Variants in SHROOM2 observed in about 807,000 individuals in gnomAD.
The protein encoded by SHROOM2 is protein Shroom2.
A neutral mutation model predicts 75.9 loss-of-function variants in SHROOM2; 33 were observed. The ratio of observed to expected loss-of-function variants is 0.43; its 90% CI spans 0.33 to 0.58. The LOEUF is 0.58. Among genes scored for constraint, SHROOM2 ranks in the 20% least tolerant of loss-of-function variants. The pLI is 0.04. For synonymous variants in SHROOM2, 655 were observed against 663.6 expected, an observed-to-expected ratio of 0.99 and a Z score of 0.20; for missense variants, 1,434 against 1,461.2, an observed-to-expected ratio of 0.98 and a Z score of 0.30.
intron 5 of SHROOM2, among the ~76,000 whole-genome samples, chrX:9,926,363 C>T (rs1353927118): frequency 9.0e-6 from 1 of 111,704 alleles, no homozygotes; most frequent in African/African-American, 3.3e-5. Context: ...TGAGCACCAA[C>T]ATGATGCCAT....
At chrX:9,857,202 G>A (rs2084076001) in intron 1 of SHROOM2, among the ~76,000 whole-genome samples, 1 of 111,889 alleles carries the variant, frequency 8.9e-6, no homozygotes, top group South Asian at 3.7e-4. Flanking sequence ...TGGTGTGTAG[G>A]GATCCTGCAT....
chrX:9,883,856 G>C (rs757833072), intron 2 of SHROOM2, among the ~76,000 whole-genome samples: 356 of 110,989 alleles, frequency 3.2e-3, no homozygotes, highest in Non-Finnish European at 4.6e-3. Context: ...GCAATTGCCA[G>C]GTAAATTCCC....
At chrX:9,916,623 T>A (rs886067448) in intron 5 of SHROOM2, among the ~76,000 whole-genome samples, 2 of 112,480 alleles carry the variant, frequency 1.8e-5, no homozygotes, top group African/African-American at 3.2e-5. Flanking sequence ...TAGACATTTT[T>A]AAAATTCTGT....
At chrX:9,837,133 C>G (rs1212362118) in intron 1 of SHROOM2, among the ~76,000 whole-genome samples, 1 of 112,474 alleles carries the variant, frequency 8.9e-6, no homozygotes, top group African/African-American at 3.2e-5. Flanking sequence ...TGCACGGTCT[C>G]ATTGCTTTCC....
At chrX:9,827,551 A>AG (rs2083894564) in intron 1 of SHROOM2, among the ~76,000 whole-genome samples, 1 of 109,703 alleles carries the variant, frequency 9.1e-6, no homozygotes, top group African/African-American at 3.3e-5. Context: ...GTTTGAGGCG[A>AG]GGGAGCACGT....
Position 9,893,384 on chromosome X carries a change from G to A in SHROOM2, c.450-974G>A, listed in dbSNP as rs778834244. On this transcript the variant is annotated intron_variant, in intron 3 of 9. Transcript: ENST00000380913. ...CCTCAAGTGATCCTCCTGCCTTAGC[G>A]TCTCAAAGCACTGGGATTTCAGGTG... 4.8e-4 allele frequency among the ~76,000 whole-genome samples: 54 copies of A among 111,852 alleles called. No homozygotes were observed. In the South Asian group the frequency reaches 0.02, roughly 40 times the overall value.
At chrX:9,867,059 A>G (rs1376710003) in intron 1 of SHROOM2, among the ~76,000 whole-genome samples, 1 of 110,914 alleles carries the variant, frequency 9.0e-6, no homozygotes, top group Non-Finnish European at 1.9e-5. Flanking sequence ...TGCACTCAGG[A>G]TGCCCTTGCC....
rs755020321 is a variant in SHROOM2, at chrX:9,946,659, G to A, written c.4585-12G>A. 8.3e-7 allele frequency: 1 copy of A among 1,201,338 alleles called. No homozygotes were observed. The highest frequency in any genetic ancestry group is 3.0e-5 in the East Asian group (1 of 33,564). On this transcript the variant is annotated splice_polypyrimidine_tract_variant and intron_variant, in intron 9 of 9. Transcript: ENST00000380913. ...ATCCTGGTCCTCAACAGGCTTGTTT[G>A]TCTGTCAACAGCAATCACTGCTTGA...
At chrX:9,800,633 G>C (rs919490952) in intron 1 of SHROOM2, among the ~76,000 whole-genome samples, 1 of 109,682 alleles carries the variant, frequency 9.1e-6, no homozygotes, top group African/African-American at 3.3e-5. Context: ...GAGCCACCAT[G>C]TCTGTCCACT....
intron 5 of SHROOM2, among the ~76,000 whole-genome samples, chrX:9,927,932 A>G (rs1195174778): frequency 7.2e-5 from 8 of 111,432 alleles, no homozygotes; most frequent in Non-Finnish European, 7.5e-5. Context: ...CCTTGCATTC[A>G]GACATGGGGC....
intron 1 of SHROOM2, among the ~76,000 whole-genome samples, chrX:9,828,134 G>A (rs1003384062): frequency 7.1e-5 from 8 of 112,868 alleles, no homozygotes; most frequent in African/African-American, 2.3e-4. Context: ...CACATCTTAC[G>A]TGGCAGCAGT....
chrX:9,786,816 C>A, intron 1 of SHROOM2, 106 bp downstream of exon 1: 3 of 600,667 alleles, frequency 5.0e-6, no homozygotes, highest in Non-Finnish European at 4.2e-6. Flanking sequence ...GCCCCCGGGT[C>A]TGGCGCGCGC....
At chrX:9,837,095 G>C (rs1055516361) in intron 1 of SHROOM2, among the ~76,000 whole-genome samples, 1 of 112,515 alleles carries the variant, frequency 8.9e-6, no homozygotes, top group Admixed American at 9.4e-5. Flanking sequence ...CAGACTGACC[G>C]CATGGTGCTG....
At chrX:9,808,557 T>C (rs1465230144) in intron 1 of SHROOM2, among the ~76,000 whole-genome samples, 2 of 109,365 alleles carry the variant, frequency 1.8e-5, no homozygotes, top group Non-Finnish European at 3.8e-5. Context: ...TCAAAAAATT[T>C]TTTTAAAATA....
At chrX:9,917,071 T>C (rs1047719259) in intron 5 of SHROOM2, among the ~76,000 whole-genome samples, 2 of 111,235 alleles carry the variant, frequency 1.8e-5, no homozygotes, top group African/African-American at 3.3e-5. Flanking sequence ...CCCTAGGAGG[T>C]GTAGACATCC....
At chrX:9,926,147 A>G (rs1305121865) in intron 5 of SHROOM2, among the ~76,000 whole-genome samples, 2 of 111,472 alleles carry the variant, frequency 1.8e-5, no homozygotes, top group East Asian at 2.8e-4. Context: ...CCGCCATCCT[A>G]TGCGATGTGG....
rs776959544 is a variant in SHROOM2 at position 9,937,293 on chromosome X, G to A, written c.3747G>A (p.Thr1249=). 1.7e-5 allele frequency: 20 copies of A among 1,208,527 alleles called. No homozygotes were observed. Among genetic ancestry groups the A allele is most frequent in the Middle Eastern group, 2.3e-4 (1 of 4,371 alleles). The change falls in exon 7 of 10, where the codon ACG becomes ACA. Residue 1249 remains threonine (T), a synonymous_variant. Transcript: ENST00000380913. Reference sequence around the variant, plus strand: ...GGCTGGAGAAAGACCAGATCAAGACGCTGAGCACATCTGAGCAGTTCTACT... The same window carrying A: ...GGCTGGAGAAAGACCAGATCAAGACACTGAGCACATCTGAGCAGTTCTACT... ...PHGLEKDQIK[T]LSTSEQFYSR... is the part of the protein sequence containing the mutation.
At chrX:9,806,243 G>A (rs1470190871) in intron 1 of SHROOM2, among the ~76,000 whole-genome samples, 6 of 111,007 alleles carry the variant, frequency 5.4e-5, no homozygotes, top group Non-Finnish European at 1.9e-5. Flanking sequence ...CCGTGGTTAT[G>A]GCAGGGCCAG....
In SHROOM2 at chrX:9,894,921, C is replaced by G; in HGVS notation, c.1013C>G (p.Pro338Arg). 8.3e-7 allele frequency: 1 copy of G among 1,211,501 alleles called. No homozygotes were observed. Among genetic ancestry groups the G allele is most frequent in the East Asian group, 3.0e-5 (1 of 33,823 alleles). ...AAGAGCCACGAGAAGGCCCAGGGCC[C>G]TGTGTTCTCAGAGGCGGCTGCGGCA... ...ATKSHEKAQG[P>R]VFSEAAAAQH... Residue 338 changes from proline to arginine, a missense_variant, in exon 4 of 10, where the codon CCT becomes CGT. Around this residue, in one of 3 missense-constraint regions of SHROOM2, gnomAD observed 1,340 missense variants for 1,338.3 expected, o/e 1.00. Coordinates refer to ENST00000380913, the MANE Select transcript of SHROOM2 (RefSeq NM_001649.4).
Sources: gnomAD v4.1 joint callset for allele counts (sites outside exome capture counted in the v4.1 genomes callset) on GRCh38, gnomAD v4.1.1 for gene constraint, gnomAD v4.1.1 regional missense constraint, MANE v1.5 for transcripts, NCBI Gene and HGNC (gene_info 2026-07-23, HGNC 2026-07-21) for gene names.